The following CCR5AS variants were observed in gnomAD, a reference collection of about 807,000 sequenced individuals.
CCR5AS encodes the protein CCR5 antisense RNA.
chr3:46,401,097 G>A (rs1357788236), intron 1 of CCR5AS, among the ~76,000 whole-genome samples: 2 of 152,208 alleles, frequency 1.3e-5, no homozygotes, highest in Non-Finnish European at 2.9e-5. Flanking sequence ...GATTAGGGCA[G>A]AGGAAGCACA....
chr3:46,402,259 C>A (rs929571988), intron 1 of CCR5AS, among the ~76,000 whole-genome samples: 2 of 152,142 alleles, frequency 1.3e-5, no homozygotes, highest in Non-Finnish European at 2.9e-5. Flanking sequence ...TCTGCCCTCC[C>A]AGGTATCACA....
intron 2 of CCR5AS, chr3:46,373,758 G>A: frequency 6.2e-7 from 1 of 1,613,716 alleles, no homozygotes; most frequent in Non-Finnish European, 8.5e-7. Context: ...AGAGACTCTT[G>A]GGATGACGCA....
intron 3 of CCR5AS, among the ~76,000 whole-genome samples, chr3:46,365,637 GC>G (rs1701592066): frequency 6.6e-6 from 1 of 152,210 alleles, no homozygotes; most frequent in East Asian, 1.9e-4. Flanking sequence ...TGGTCAAGAT[GC>G]CCCAGAGTGG....
intron 2 of CCR5AS, among the ~76,000 whole-genome samples, chr3:46,381,960 G>A (rs995346202): frequency 2.0e-5 from 3 of 152,130 alleles, no homozygotes; most frequent in Admixed American, 2.0e-4. Flanking sequence ...TTATTTAGGT[G>A]GTTAGTGAGG....
intron 2 of CCR5AS, chr3:46,372,846 A>G: frequency 7.2e-7 from 1 of 1,392,190 alleles, no homozygotes; most frequent in Non-Finnish European, 9.8e-7. Context: ...GGGCAACTAA[A>G]TACATTCTAG....
intron 1 of CCR5AS, among the ~76,000 whole-genome samples, chr3:46,405,636 A>C (rs1051040620): frequency 6.6e-6 from 1 of 151,490 alleles, no homozygotes; most frequent in Non-Finnish European, 1.5e-5. Flanking sequence ...CATGACCCCC[A>C]CTCACTCACT....
chr3:46,379,455 C>T (rs976958909), intron 2 of CCR5AS, among the ~76,000 whole-genome samples: 6 of 152,132 alleles, frequency 3.9e-5, no homozygotes, highest in African/African-American at 9.7e-5. Context: ...TTCGCACTCT[C>T]CTTTCTCTAT....
chr3:46,366,092 T>C (rs993903444), intron 3 of CCR5AS, among the ~76,000 whole-genome samples: 1 of 152,210 alleles, frequency 6.6e-6, no homozygotes, highest in Non-Finnish European at 1.5e-5. Flanking sequence ...CCATTCATTA[T>C]CCTAATTGCC....
At chr3:46,404,961 T>C (rs1031182145) in intron 1 of CCR5AS, among the ~76,000 whole-genome samples, 4 of 152,320 alleles carry the variant, frequency 2.6e-5, no homozygotes, top group South Asian at 2.1e-4. Context: ...GGTCAAATTA[T>C]AGTGATAAAG....
At chr3:46,405,658 C>A (rs922266292) in intron 1 of CCR5AS, among the ~76,000 whole-genome samples, 11 of 151,850 alleles carry the variant, frequency 7.2e-5, no homozygotes, top group Non-Finnish European at 1.6e-4. Context: ...ACAGGAGACC[C>A]ACACAAGAGA....
chr3:46,386,427 A>C (rs149243646), intron 2 of CCR5AS, among the ~76,000 whole-genome samples: 6 of 152,208 alleles, frequency 3.9e-5, no homozygotes, highest in Non-Finnish European at 7.3e-5. Flanking sequence ...CCTTCTGTCC[A>C]TAGACCAAAG....
intron 1 of CCR5AS, among the ~76,000 whole-genome samples, chr3:46,406,065 G>A (rs1329254016): frequency 5.3e-5 from 8 of 151,896 alleles, no homozygotes; most frequent in Non-Finnish European, 1.2e-4. Context: ...TTATAGATCC[G>A]GGATCTCACT....
chr3:46,365,955 C>G (rs2106734139), intron 3 of CCR5AS, among the ~76,000 whole-genome samples: 1 of 152,336 alleles, frequency 6.6e-6, no homozygotes, highest in South Asian at 2.1e-4. Context: ...AGTGGGGGCC[C>G]CACCCATGCT....
intron 2 of CCR5AS, chr3:46,374,745 G>A (rs41418945): frequency 0.014 from 2,324 of 167,284 alleles, 64 homozygotes; most frequent in African/African-American, 0.053. Flanking sequence ...AGCTGAGCAG[G>A]GAGATCCTGG....
intron 2 of CCR5AS, among the ~76,000 whole-genome samples, chr3:46,383,550 C>G (rs1701832630): frequency 6.6e-6 from 1 of 152,104 alleles, no homozygotes; most frequent in Admixed American, 6.5e-5. Flanking sequence ...CTTCCGGGGC[C>G]CTCATCCTCA....
chr3:46,373,047 A>G (rs1450402163), intron 2 of CCR5AS: 3 of 1,614,060 alleles, frequency 1.9e-6, no homozygotes, highest in East Asian at 2.2e-5. Flanking sequence ...TGTGGGCAAC[A>G]TGCTGGTCAT....
chr3:46,376,708 T>C (rs886501911), intron 2 of CCR5AS, among the ~76,000 whole-genome samples: 1 of 152,180 alleles, frequency 6.6e-6, no homozygotes, highest in African/African-American at 2.4e-5. Flanking sequence ...ATTGCAGTCA[T>C]GACAATCATG....
In CCR5AS at chr3:46,373,324, C is replaced by A. The variant is rs371901382; in HGVS notation, n.392-1907G>T. The A allele has an allele frequency of 3.1e-6, 5 of 1,614,032 alleles. No individual in the cohort carries two copies. The South Asian group carries it at 3.3e-5, about 11-fold the overall frequency. ...GCTGTGTTTGCTTTAAAAGCCAGGA[C>A]GGTCACCTTTGGGGTGGTGACAAGT... is the stretch of plus-strand genomic sequence containing the variant. On this transcript the variant is annotated intron_variant and non_coding_transcript_variant, in intron 2 of 3. Transcript: ENST00000451485.
chr3:46,398,436 GAA>G (rs1349312284), intron 1 of CCR5AS, among the ~76,000 whole-genome samples: 8 of 152,172 alleles, frequency 5.3e-5, no homozygotes, highest in Non-Finnish European at 7.3e-5. Context: ...ATACCTCTAA[GAA>G]GCTCCACGCA....
Sources: allele counts gnomAD v4.1 joint callset (sites outside exome capture counted in the v4.1 genomes callset), GRCh38; gene constraint gnomAD v4.1.1; transcripts MANE v1.5; gene names NCBI Gene and HGNC (gene_info 2026-07-23, HGNC 2026-07-21).